DSCAM: variants seen among roughly 807,000 people sequenced by gnomAD.
DSCAM encodes DS cell adhesion molecule.
DSCAM carries 47 observed loss-of-function variants against 217.7 expected under a neutral mutation model. That is an observed-to-expected ratio of 0.22 (90% confidence interval 0.17 to 0.28). The LOEUF (loss-of-function observed/expected upper bound fraction) is 0.28. Among genes scored for constraint, DSCAM ranks in the 10% least tolerant of loss-of-function variants. The probability of loss-of-function intolerance (pLI) is 1.00; values close to 1 mark genes in which losing one functional copy is unlikely to be tolerated. For synonymous variants in DSCAM, 1,056 were observed against 1,015.3 expected (o/e 1.04, Z -0.76); for missense variants, 2,080 against 2,618.3 (o/e 0.79, Z 4.49).
intron 1 of DSCAM, among the ~76,000 whole-genome samples, chr21:40,824,703 C>T (rs376189009): frequency 2.0e-5 from 3 of 152,136 alleles, no homozygotes; most frequent in East Asian, 1.9e-4. Flanking sequence ...GGCACCACCT[C>T]GCCCGGCCCC....
At chr21:40,199,370 T>C (rs766846459) in intron 11 of DSCAM, among the ~76,000 whole-genome samples, 8 of 152,232 alleles carry the variant, frequency 5.3e-5, no homozygotes, top group Non-Finnish European at 1.0e-4. Flanking sequence ...CATGTATACA[T>C]GCCACATTTT....
At chr21:40,404,450 G>A (rs1160099635) in intron 3 of DSCAM, among the ~76,000 whole-genome samples, 1 of 152,206 alleles carries the variant, frequency 6.6e-6, no homozygotes, top group African/African-American at 2.4e-5. Context: ...CTTGAGGGCA[G>A]AAGAGCAAAC....
chr21:40,259,236 T>G (rs2073414054), intron 11 of DSCAM, among the ~76,000 whole-genome samples: 1 of 151,342 alleles, frequency 6.6e-6, no homozygotes, highest in Non-Finnish European at 1.5e-5. Flanking sequence ...TGCAAAGTTC[T>G]CACCTCCCTC....
At chr21:40,579,737 T>C (rs1175218456) in intron 3 of DSCAM, among the ~76,000 whole-genome samples, 1 of 152,184 alleles carries the variant, frequency 6.6e-6, no homozygotes, top group African/African-American at 2.4e-5. Flanking sequence ...TAGGATTCCA[T>C]CTCCATTTAT....
chr21:40,305,042 A>C (rs1417965652), intron 9 of DSCAM, among the ~76,000 whole-genome samples: 1 of 152,136 alleles, frequency 6.6e-6, no homozygotes, highest in Non-Finnish European at 1.5e-5. Flanking sequence ...TGCTCGATGC[A>C]GGATTGCCAC....
At chr21:40,734,572 C>A (rs1260180648) in intron 1 of DSCAM, among the ~76,000 whole-genome samples, 1 of 152,194 alleles carries the variant, frequency 6.6e-6, no homozygotes, top group Non-Finnish European at 1.5e-5. Context: ...TTTCTTCTAT[C>A]AGGGTGAGCC....
At chr21:40,248,844 G>T (rs1406796553) in intron 11 of DSCAM, among the ~76,000 whole-genome samples, 2 of 152,164 alleles carry the variant, frequency 1.3e-5, no homozygotes, top group Non-Finnish European at 2.9e-5. Context: ...GGTTGGATTG[G>T]ACTTACAGTT....
intron 8 of DSCAM, among the ~76,000 whole-genome samples, chr21:40,313,517 G>C (rs1174498668): frequency 6.6e-6 from 1 of 152,074 alleles, no homozygotes; most frequent in Non-Finnish European, 1.5e-5. Context: ...TTCTGAAATA[G>C]TTAAAATGGA....
chr21:40,112,632 G>GT (rs1197089438), intron 20 of DSCAM, among the ~76,000 whole-genome samples: 1 of 152,072 alleles, frequency 6.6e-6, no homozygotes, highest in Non-Finnish European at 1.5e-5. Context: ...CCAGGAGGTG[G>GT]TTTTTTGAAA....
At chr21:40,403,093 C>G (rs779905844) in intron 3 of DSCAM, among the ~76,000 whole-genome samples, 1 of 152,110 alleles carries the variant, frequency 6.6e-6, no homozygotes, top group African/African-American at 2.4e-5. Flanking sequence ...TCATTTCTAT[C>G]AAGCACCAAA....
intron 3 of DSCAM, among the ~76,000 whole-genome samples, chr21:40,511,210 G>A (rs1016878253): frequency 3.3e-5 from 5 of 152,044 alleles, no homozygotes; most frequent in Admixed American, 3.3e-4. Context: ...TGAGAAAAGA[G>A]GAAAGCAGAA....
Position 40,541,521 on chromosome 21 carries a change from A to C in DSCAM, c.508+151289T>G, listed in dbSNP as rs570458971. Among the ~76,000 whole-genome samples, 49 of 152,304 alleles carry C rather than the reference A, an allele frequency of 3.2e-4. 1 individual carries two copies. The South Asian group carries it at 0.01, about 32-fold the overall frequency. On this transcript the variant is annotated intron_variant, in intron 3 of 32. Coordinates refer to ENST00000400454, the MANE Select transcript of DSCAM (RefSeq NM_001389.5). ...CTGGTTTAGTTTACTTCATAAATTG[A>C]AAGTTATTTCCTTATTAAAAGAATA...
chr21:40,093,954 C>T, intron 20 of DSCAM, 80 bp from the exon 21 acceptor site: 2 of 1,439,864 alleles, frequency 1.4e-6, no homozygotes, highest in Non-Finnish European at 1.9e-6. Context: ...TGGTCATGAA[C>T]ATATTAAATA....
At chr21:40,358,044 A>G (rs993588490) in intron 4 of DSCAM, among the ~76,000 whole-genome samples, 3 of 152,170 alleles carry the variant, frequency 2.0e-5, no homozygotes. Flanking sequence ...AAGGTGGCAC[A>G]AAGATGTCAC....
intron 3 of DSCAM, among the ~76,000 whole-genome samples, chr21:40,370,795 A>G (rs2074888967): frequency 6.6e-6 from 1 of 151,662 alleles, no homozygotes; most frequent in South Asian, 2.1e-4. Flanking sequence ...TAATTTTTGT[A>G]TTTTTTTATA....
At chr21:40,288,792 C>A (rs565721314) in intron 10 of DSCAM, among the ~76,000 whole-genome samples, 8 of 152,314 alleles carry the variant, frequency 5.3e-5, no homozygotes, top group Non-Finnish European at 7.3e-5. Context: ...TAAATGCTTT[C>A]TATGAGTCAT....
intron 15 of DSCAM, among the ~76,000 whole-genome samples, chr21:40,167,985 C>T (rs954465552): frequency 6.6e-6 from 1 of 152,096 alleles, no homozygotes; most frequent in Non-Finnish European, 1.5e-5. Context: ...TGCTTGAATC[C>T]AGGAGGCAGA....
intron 3 of DSCAM, among the ~76,000 whole-genome samples, chr21:40,627,656 C>A (rs1279667754): frequency 6.6e-6 from 1 of 152,182 alleles, no homozygotes; most frequent in Non-Finnish European, 1.5e-5. Context: ...CTATAAGATG[C>A]TGTAATTTAG....
At position 40,016,552 on chromosome 21, in the gene DSCAM, C is replaced by T. The variant is rs1273908973; in HGVS notation, c.5687-3166G>A. ...TAACTGAACATTCTTGTTTCTTTTG[C>T]TTCAAAATATCCCCTGCTTTCCTTA... is the stretch of plus-strand genomic sequence containing the variant. On this transcript the variant is annotated intron_variant, in intron 32 of 32. Transcript: ENST00000400454. The surrounding 1 kb of genome is among the most constrained non-coding windows in gnomAD (Gnocchi z 4.3). 1.3e-5 allele frequency among the ~76,000 whole-genome samples: 2 copies of T among 152,130 alleles called. No individual in the cohort carries two copies. The highest frequency in any genetic ancestry group is 2.4e-5 in the African/African-American group (1 of 41,440).
Sources: gnomAD v4.1 joint callset for allele counts (sites outside exome capture counted in the v4.1 genomes callset) on GRCh38, gnomAD v4.1.1 for gene constraint, Gnocchi (gnomAD v3.1) non-coding constraint, MANE v1.5 for transcripts, NCBI Gene and HGNC (gene_info 2026-07-23, HGNC 2026-07-21) for gene names.